SLC12A8: variants seen among roughly 807,000 people sequenced by gnomAD.
SLC12A8 encodes the protein solute carrier family 12 member 8, also known as cation-chloride cotransporter 9.
Under a neutral mutation model 75.6 loss-of-function variants are expected in SLC12A8, and 69 were observed. The ratio of observed to expected loss-of-function variants is 0.91; its 90% CI spans 0.75 to 1.11. SLC12A8 has a LOEUF of 1.11. SLC12A8 is among the 50% of genes most tolerant of loss of function. The pLI, the probability that SLC12A8 is intolerant of heterozygous loss-of-function variation, is 0.00. For missense variants in SLC12A8, 877 were observed against 896.7 expected (o/e 0.98, Z 0.28); for synonymous variants, 365 against 372.8 (o/e 0.98, Z 0.24).
At chr3:125,211,868 C>T (rs1037504034) in intron 1 of SLC12A8, among the ~76,000 whole-genome samples, 4 of 152,034 alleles carry the variant, frequency 2.6e-5, no homozygotes, top group African/African-American at 9.7e-5. Flanking sequence ...GTTTTGGGGC[C>T]CTTCTGGAGC....
At chr3:125,103,403 T>A (rs1938934740) in intron 10 of SLC12A8, among the ~76,000 whole-genome samples, 1 of 147,840 alleles carries the variant, frequency 6.8e-6, no homozygotes, top group Non-Finnish European at 1.5e-5. Context: ...GGTGCCCCAA[T>A]TAACAAGCCC....
intron 2 of SLC12A8, among the ~76,000 whole-genome samples, chr3:125,197,298 A>ATT (rs60178033): frequency 2.0e-5 from 3 of 151,908 alleles, no homozygotes; most frequent in African/African-American, 4.8e-5. Flanking sequence ...TAATTAACCG[A>ATT]TTTTTTTCTT....
chr3:125,141,557 G>A (rs1933637879), intron 5 of SLC12A8, among the ~76,000 whole-genome samples: 2 of 152,234 alleles, frequency 1.3e-5, no homozygotes, highest in African/African-American at 2.4e-5. Flanking sequence ...CTACGCCGCT[G>A]GGGGCTGCTG....
chr3:125,083,989 C>T lies in SLC12A8; in HGVS notation c.2046G>A (p.Glu682=). The T allele has an allele frequency of 1.2e-6, 2 of 1,613,598 alleles. No homozygotes were observed. The highest frequency in any genetic ancestry group is 1.7e-6 in the Non-Finnish European group (2 of 1,179,880). ...LAPSLAKVDM[E]MTQLTQENAD... ...CATTCTCCTGGGTGAGCTGAGTCAT[C>T]TCCATGTCAACCTTAGCCAGGGACG... The change falls in exon 14 of 14, where the codon GAG becomes GAA. Residue 682 remains glutamate, a synonymous_variant. Transcript: ENST00000469902.
At chr3:125,162,582 T>G (rs968724163) in intron 5 of SLC12A8, among the ~76,000 whole-genome samples, 2 of 152,220 alleles carry the variant, frequency 1.3e-5, no homozygotes, top group African/African-American at 4.8e-5. Context: ...AGATTCAGAT[T>G]GTTTTTGGTC....
intron 5 of SLC12A8, among the ~76,000 whole-genome samples, chr3:125,162,712 G>C (rs1934201336): frequency 6.6e-6 from 1 of 152,112 alleles, no homozygotes; most frequent in Admixed American, 6.5e-5. Flanking sequence ...TACCCACTCT[G>C]GATCCTCCAA....
At chr3:125,183,666 T>C (rs926946747) in intron 4 of SLC12A8, among the ~76,000 whole-genome samples, 16 of 152,128 alleles carry the variant, frequency 1.1e-4, no homozygotes, top group Non-Finnish European at 1.3e-4. Flanking sequence ...TCATTCATTG[T>C]TTTTATACAG....
intron 6 of SLC12A8, among the ~76,000 whole-genome samples, chr3:125,131,531 G>A (rs1933356420): frequency 6.6e-6 from 1 of 152,048 alleles, no homozygotes; most frequent in Non-Finnish European, 1.5e-5. Flanking sequence ...GGGATTACAG[G>A]CATGCCCTAC....
intron 5 of SLC12A8, among the ~76,000 whole-genome samples, chr3:125,152,408 AT>A (rs1372634769): frequency 6.6e-6 from 1 of 152,172 alleles, no homozygotes; most frequent in Non-Finnish European, 1.5e-5. Flanking sequence ...TGAATTTGTT[AT>A]TTTATTTACT....
intron 4 of SLC12A8, among the ~76,000 whole-genome samples, chr3:125,182,640 G>A (rs1038633585): frequency 3.3e-5 from 5 of 150,960 alleles, no homozygotes; most frequent in East Asian, 1.9e-4. Flanking sequence ...CCGAGTAGCC[G>A]GGACTACAGG....
At chr3:125,178,026 C>A in intron 4 of SLC12A8, 52 bp from the exon 5 acceptor site, 1 of 1,482,686 alleles carries the variant, frequency 6.7e-7, no homozygotes, top group Non-Finnish European at 9.3e-7. Context: ...GCCATGGGCC[C>A]ATGGGCAGAA....
At chr3:125,161,997 G>C (rs1934186027) in intron 5 of SLC12A8, among the ~76,000 whole-genome samples, 1 of 152,180 alleles carries the variant, frequency 6.6e-6, no homozygotes, top group Non-Finnish European at 1.5e-5. Flanking sequence ...GCCCCACCCT[G>C]GGCTGGGCCT....
At chr3:125,105,768 G>A (rs1205439901) in intron 10 of SLC12A8, among the ~76,000 whole-genome samples, 2 of 152,138 alleles carry the variant, frequency 1.3e-5, no homozygotes, top group East Asian at 1.9e-4. Flanking sequence ...GGTGGCTCAC[G>A]CCTGTAATTT....
At chr3:125,206,696 G>C (rs537122043) in intron 2 of SLC12A8, 1 of 152,190 alleles carries the variant, frequency 6.6e-6, no homozygotes, top group South Asian at 2.1e-4. Context: ...GGTTTAATTG[G>C]CTTATGGTTC....
intron 10 of SLC12A8, among the ~76,000 whole-genome samples, chr3:125,100,624 T>C (rs1938844506): frequency 6.6e-6 from 1 of 151,392 alleles, no homozygotes; most frequent in Non-Finnish European, 1.5e-5. Flanking sequence ...GTCAGGCTGG[T>C]CTCGAACTCC....
At chr3:125,168,891 G>T (rs1579519726) in intron 5 of SLC12A8, among the ~76,000 whole-genome samples, 1 of 152,144 alleles carries the variant, frequency 6.6e-6, no homozygotes, top group South Asian at 2.1e-4. Flanking sequence ...TACATTCAGC[G>T]TGAGATGGAC....
intron 10 of SLC12A8, among the ~76,000 whole-genome samples, chr3:125,104,718 A>C (rs80213244): frequency 0.018 from 2,732 of 152,334 alleles, 78 homozygotes; most frequent in African/African-American, 0.06. Flanking sequence ...GTTTGTTGTA[A>C]TCACATGACT....
chr3:125,120,563 C>A, intron 7 of SLC12A8, 36 bp downstream of exon 7: 1 of 1,514,330 alleles, frequency 6.6e-7, no homozygotes, highest in Non-Finnish European at 9.2e-7. Flanking sequence ...CTCTCCCACT[C>A]TCTAGCTCAG....
chr3:125,195,237 A>G (rs549582944), intron 2 of SLC12A8, among the ~76,000 whole-genome samples: 37 of 152,218 alleles, frequency 2.4e-4, no homozygotes, highest in Non-Finnish European at 4.6e-4. Flanking sequence ...TCCTTGCTCT[A>G]CAGCTCAGCC....
Sources: gnomAD v4.1 joint callset for allele counts (sites outside exome capture counted in the v4.1 genomes callset) on GRCh38, gnomAD v4.1.1 for gene constraint, MANE v1.5 for transcripts, NCBI Gene and HGNC (gene_info 2026-07-23, HGNC 2026-07-21) for gene names.